Variants in PHACTR1 observed in about 807,000 individuals in gnomAD.
The protein encoded by PHACTR1 is RPEL repeat containing 1.
Under a neutral mutation model 69.2 loss-of-function variants are expected in PHACTR1, and 16 were observed. The observed-to-expected ratio is 0.23, with a 90% CI of 0.16 to 0.35. PHACTR1 has a LOEUF of 0.35. Ranked by LOEUF, PHACTR1 falls within the 10% of genes least tolerant of loss-of-function variation. The pLI, the probability that PHACTR1 is intolerant of heterozygous loss-of-function variation, is 1.00. For synonymous variants in PHACTR1, 312 were observed against 284.5 expected (o/e 1.10, Z -0.97); for missense variants, 510 against 734.7 (o/e 0.69, Z 3.54).
intron 5 of PHACTR1, among the ~76,000 whole-genome samples, chr6:13,054,833 C>T (rs1360745867): frequency 3.3e-5 from 5 of 152,150 alleles, no homozygotes; most frequent in Admixed American, 6.5e-5. Flanking sequence ...TTTCTAATCA[C>T]GTGTCCAGTC....
chr6:12,832,812 A>G (rs1452419730), intron 4 of PHACTR1, among the ~76,000 whole-genome samples: 1 of 152,130 alleles, frequency 6.6e-6, no homozygotes, highest in Non-Finnish European at 1.5e-5. Context: ...AGGCACACAG[A>G]TATATCAGTA....
At chr6:13,010,345 C>A (rs1799309286) in intron 4 of PHACTR1, among the ~76,000 whole-genome samples, 1 of 152,152 alleles carries the variant, frequency 6.6e-6, no homozygotes, top group Non-Finnish European at 1.5e-5. Context: ...CCAGGCTGGT[C>A]TCAAACTCCT....
intron 5 of PHACTR1, among the ~76,000 whole-genome samples, chr6:13,147,773 A>C (rs901948955): frequency 3.9e-5 from 6 of 152,236 alleles, no homozygotes; most frequent in Admixed American, 6.5e-5. Flanking sequence ...AAGCAGAGTT[A>C]GTAACAATGT....
intron 5 of PHACTR1, among the ~76,000 whole-genome samples, chr6:13,064,590 ATATATATATATATATCTATATATC>A (rs1416312691): frequency 0.019 from 150 of 7,966 alleles, 11 homozygotes; most frequent in Non-Finnish European, 0.026. Context: ...ATATATATAT[ATATATATATATATATCTATATATC>A]TATCTATCCA....
chr6:13,240,879 C>T (rs564172180), intron 10 of PHACTR1, among the ~76,000 whole-genome samples: 2 of 152,324 alleles, frequency 1.3e-5, no homozygotes, highest in Admixed American at 1.3e-4. Flanking sequence ...CCATCAGCAC[C>T]TCATCTAATA....
intron 5 of PHACTR1, among the ~76,000 whole-genome samples, chr6:13,067,574 A>G (rs894302298): frequency 3.3e-5 from 5 of 152,226 alleles, no homozygotes; most frequent in East Asian, 1.9e-4. Context: ...TCGTCTTTGT[A>G]TGAACCCCAC....
chr6:13,286,639 T>C (rs1245759573), intron 14 of PHACTR1, among the ~76,000 whole-genome samples: 1 of 152,240 alleles, frequency 6.6e-6, no homozygotes, highest in African/African-American at 2.4e-5. Context: ...ACATTCTCCC[T>C]GACAGTCCAG....
chr6:12,990,376 C>T (rs924822815), intron 4 of PHACTR1, among the ~76,000 whole-genome samples: 2 of 152,174 alleles, frequency 1.3e-5, no homozygotes, highest in Admixed American at 1.3e-4. Context: ...TACCCTTGAC[C>T]TTTTCATGGG....
chr6:12,768,281 A>AT (rs1160022205), intron 4 of PHACTR1, among the ~76,000 whole-genome samples: 1 of 151,862 alleles, frequency 6.6e-6, no homozygotes, highest in African/African-American at 2.4e-5. Flanking sequence ...TGCCCGGCTA[A>AT]TTTTTTGTAT....
intron 4 of PHACTR1, among the ~76,000 whole-genome samples, chr6:12,959,838 G>A (rs371570564): frequency 6.6e-6 from 1 of 152,166 alleles, no homozygotes; most frequent in East Asian, 1.9e-4. Flanking sequence ...ATAGATCATG[G>A]TGCCCACATT....
At chr6:12,738,468 C>T (rs1764597410) in intron 3 of PHACTR1, among the ~76,000 whole-genome samples, 1 of 152,214 alleles carries the variant, frequency 6.6e-6, no homozygotes, top group Admixed American at 6.5e-5. Flanking sequence ...CATCCCTTAT[C>T]AGTTCGTGCT....
rs1258603772 is a variant in PHACTR1, at chr6:13,156,030, C to G, written c.416-4174C>G. On this transcript the variant is annotated intron_variant, in intron 5 of 14. Transcript: ENST00000332995. ...CTGTTTTTAGAGCCTTTTTGTTTTCCTATACATTATAATCATTCTCACAAT... is the reference window on the plus strand; with the variant it reads ...CTGTTTTTAGAGCCTTTTTGTTTTCGTATACATTATAATCATTCTCACAAT... Among the ~76,000 whole-genome samples the G allele has an allele frequency of 4.6e-5, 7 of 152,070 alleles. No individual in the cohort carries two copies. The East Asian group carries it at 1.2e-3, about 25-fold the overall frequency.
intron 12 of PHACTR1, among the ~76,000 whole-genome samples, chr6:13,278,715 T>G (rs375148344): frequency 6.6e-6 from 1 of 152,188 alleles, no homozygotes; most frequent in Non-Finnish European, 1.5e-5. Context: ...CCCAGCACTT[T>G]GGGAGGCCAA....
At chr6:12,787,591 A>G (rs1160357827) in intron 4 of PHACTR1, among the ~76,000 whole-genome samples, 1 of 152,170 alleles carries the variant, frequency 6.6e-6, no homozygotes, top group Non-Finnish European at 1.5e-5. Flanking sequence ...TAGGGAGACT[A>G]TGGGGGAAAG....
At chr6:13,079,239 G>A (rs1278448209) in intron 5 of PHACTR1, among the ~76,000 whole-genome samples, 1 of 152,132 alleles carries the variant, frequency 6.6e-6, no homozygotes, top group Non-Finnish European at 1.5e-5. Flanking sequence ...ACATGCGATG[G>A]CTGGAGGTTT....
chr6:12,773,924 G>A (rs1281972570), intron 4 of PHACTR1, among the ~76,000 whole-genome samples: 1 of 152,044 alleles, frequency 6.6e-6, no homozygotes, highest in East Asian at 1.9e-4. Context: ...TGGTAATTAA[G>A]ATTACTGCCC....
chr6:12,850,826 CTCT>C (rs1779751797), intron 4 of PHACTR1, among the ~76,000 whole-genome samples: 1 of 152,132 alleles, frequency 6.6e-6, no homozygotes, highest in Non-Finnish European at 1.5e-5. Context: ...GCCTCTGTGC[CTCT>C]TCTTCTCTCC....
chr6:12,945,772 G>A (rs1014391575), intron 4 of PHACTR1, among the ~76,000 whole-genome samples: 5 of 151,792 alleles, frequency 3.3e-5, no homozygotes, highest in African/African-American at 4.8e-5. Flanking sequence ...GAGACCAGCC[G>A]AGCCAACATG....
At chr6:13,228,089 G>C (rs11964503) in intron 9 of PHACTR1, 26 bp downstream of exon 9, 1 of 1,596,728 alleles carries the variant, frequency 6.3e-7, no homozygotes, top group Non-Finnish European at 8.5e-7. Flanking sequence ...CTCATCACCA[G>C]GGGTGGGGAA....
Sources: allele counts gnomAD v4.1 joint callset (sites outside exome capture counted in the v4.1 genomes callset), GRCh38; gene constraint gnomAD v4.1.1; transcripts MANE v1.5; gene names NCBI Gene and HGNC (gene_info 2026-07-23, HGNC 2026-07-21).